Variants in DLG2 observed in about 807,000 individuals in gnomAD.
DLG2 encodes discs large MAGUK scaffold protein 2.
In DLG2, 45 loss-of-function variants were observed where a neutral mutation model predicts 132.5. That is an observed-to-expected ratio of 0.34 (90% confidence interval 0.27 to 0.44). The LOEUF (loss-of-function observed/expected upper bound fraction) is 0.44. Ranked by LOEUF, DLG2 falls within the 20% of genes least tolerant of loss-of-function variation. DLG2 has a pLI of 1.00. For missense variants in DLG2, 1,045 were observed against 1,196.9 expected (o/e 0.87, Z 1.87); for synonymous variants, 424 against 419.6 (o/e 1.01, Z -0.13).
chr11:83,476,634 T>A (rs2092639309), intron 22 of DLG2, among the ~76,000 whole-genome samples: 1 of 152,110 alleles, frequency 6.6e-6, no homozygotes, highest in Non-Finnish European at 1.5e-5. Context: ...TTGTATTAAC[T>A]TTATAGGTAG....
chr11:84,307,199 A>C (rs1255980721), intron 7 of DLG2, among the ~76,000 whole-genome samples: 2 of 152,226 alleles, frequency 1.3e-5, no homozygotes, highest in Non-Finnish European at 2.9e-5. Flanking sequence ...CCTTTGCAGC[A>C]ACATAGATGC....
At chr11:85,517,894 G>A (rs1468909331) in intron 3 of DLG2, among the ~76,000 whole-genome samples, 1 of 152,100 alleles carries the variant, frequency 6.6e-6, no homozygotes, top group African/African-American at 2.4e-5. Flanking sequence ...AGTGAAGTAA[G>A]TCTCACAAGA....
intron 11 of DLG2, among the ~76,000 whole-genome samples, chr11:84,057,330 A>G (rs1256975552): frequency 6.6e-6 from 1 of 152,202 alleles, no homozygotes; most frequent in Admixed American, 6.6e-5. Flanking sequence ...CTGAGTGGTT[A>G]AAATTAGTAT....
chr11:83,731,957 A>G (rs1002369303), intron 18 of DLG2, among the ~76,000 whole-genome samples: 1 of 152,254 alleles, frequency 6.6e-6, no homozygotes, highest in African/African-American at 2.4e-5. Flanking sequence ...AGTCATTTAA[A>G]TAAATGTTAG....
At chr11:83,576,050 T>C (rs1290547279) in intron 19 of DLG2, among the ~76,000 whole-genome samples, 1 of 151,918 alleles carries the variant, frequency 6.6e-6, no homozygotes, top group East Asian at 1.9e-4. Context: ...AATAGGGACA[T>C]GAAACATATA....
At chr11:83,801,770 C>T (rs566368503) in intron 17 of DLG2, among the ~76,000 whole-genome samples, 60 of 152,226 alleles carry the variant, frequency 3.9e-4, no homozygotes, top group South Asian at 2.7e-3. Flanking sequence ...TCACCCACCC[C>T]GAGAAAAGCT....
intron 7 of DLG2, among the ~76,000 whole-genome samples, chr11:84,438,983 C>T (rs1227951262): frequency 6.6e-6 from 1 of 152,154 alleles, no homozygotes; most frequent in African/African-American, 2.4e-5. Context: ...TCAACAACAA[C>T]AACAACAACA....
At chr11:84,915,453 T>C (rs1180689060) in intron 6 of DLG2, among the ~76,000 whole-genome samples, 1 of 152,212 alleles carries the variant, frequency 6.6e-6, no homozygotes, top group Admixed American at 6.5e-5. Flanking sequence ...ATCCAGCATT[T>C]GGAAAATCTT....
chr11:85,542,843 A>G (rs1438641360), intron 3 of DLG2, among the ~76,000 whole-genome samples: 1 of 152,248 alleles, frequency 6.6e-6, no homozygotes, highest in African/African-American at 2.4e-5. Flanking sequence ...GAAAACAGTC[A>G]ATTATATCAA....
intron 3 of DLG2, among the ~76,000 whole-genome samples, chr11:85,522,082 A>AC (rs1447778928): frequency 3.9e-5 from 6 of 151,976 alleles, no homozygotes; most frequent in Admixed American, 6.6e-5. Flanking sequence ...CCCATCACAG[A>AC]CCCCAAGGCC....
chr11:84,044,540 G>C (rs1045300950), intron 11 of DLG2, among the ~76,000 whole-genome samples: 9 of 151,710 alleles, frequency 5.9e-5, no homozygotes, highest in African/African-American at 2.2e-4. Flanking sequence ...GGTGTTGGAA[G>C]AGATCTCGGT....
chr11:85,010,655 C>A (rs2059077559), intron 6 of DLG2, among the ~76,000 whole-genome samples: 1 of 152,154 alleles, frequency 6.6e-6, no homozygotes. Context: ...CTCTGAAGAT[C>A]TAACATTGAC....
intron 6 of DLG2, among the ~76,000 whole-genome samples, chr11:84,860,229 G>T (rs1314339437): frequency 6.6e-6 from 1 of 151,980 alleles, no homozygotes; most frequent in Non-Finnish European, 1.5e-5. Flanking sequence ...CCTCATAATT[G>T]TTTCACATTT....
At chr11:85,372,353 C>G (rs959757606) in intron 3 of DLG2, among the ~76,000 whole-genome samples, 1 of 152,190 alleles carries the variant, frequency 6.6e-6, no homozygotes, top group Non-Finnish European at 1.5e-5. Flanking sequence ...ACAAGACATC[C>G]TTTCCTCTCC....
At chr11:84,339,592 G>C (rs2098504702) in intron 7 of DLG2, among the ~76,000 whole-genome samples, 1 of 152,038 alleles carries the variant, frequency 6.6e-6, no homozygotes, top group South Asian at 2.1e-4. Context: ...ACCTCCCTTT[G>C]ATGCAATGAT....
At chr11:84,795,195 A>T (rs1259145214) in intron 6 of DLG2, among the ~76,000 whole-genome samples, 1 of 152,172 alleles carries the variant, frequency 6.6e-6, no homozygotes, top group Non-Finnish European at 1.5e-5. Flanking sequence ...TGTCAGGATG[A>T]CCTGCCTGTG....
In DLG2 at chr11:84,600,159, GGAAAGAAAGAAAGAAAGAAAGAAAGAAA is replaced by G. The variant is rs1181993623; in HGVS notation, c.358-65456_358-65429del. On this transcript the variant is annotated intron_variant, in intron 6 of 27. Coordinates refer to ENST00000376104, the MANE Select transcript of DLG2 (RefSeq NM_001142699.3). ...AAGAAAGAAGGAAAGAAAGAAAGAAGGAAAGAAAGAAAGAAAGAAAGAAAGAAAGAAAGAAAGAAAGAAAGAAAGAAAG... is the reference window on the plus strand; with the variant it reads ...AAGAAAGAAGGAAAGAAAGAAAGAAGGAAAGAAAGAAAGAAAGAAAGAAAG... Among the ~76,000 whole-genome samples the G allele has an allele frequency of 5.2e-5, 5 of 96,102 alleles. No homozygotes were observed. In the East Asian group the frequency reaches 8.9e-4, roughly 17 times the overall value. The allele number at this position is 96,102 out of a possible 152,430, so 63.0% of individuals were successfully genotyped here.
rs1270163319 is a variant in DLG2, at chr11:84,777,042, TCTCACTTC to T, written c.358-242319_358-242312del. On this transcript the variant is annotated intron_variant, in intron 6 of 27. Transcript: ENST00000376104. Reference sequence around the variant, plus strand: ...TAAGTAATTTCTTATCATCCAGCTCTCTCACTTCCTCACCTTTGCGAGTCTTGGGTGTC... The same window carrying T: ...TAAGTAATTTCTTATCATCCAGCTCTCTCACCTTTGCGAGTCTTGGGTGTC... Among the ~76,000 whole-genome samples, 5 of 151,824 alleles carry T rather than the reference TCTCACTTC, an allele frequency of 3.3e-5. No individual in the cohort carries two copies. The East Asian group carries it at 9.6e-4, about 29-fold the overall frequency.
chr11:83,484,400 A>AAATT (rs938083502), intron 21 of DLG2, among the ~76,000 whole-genome samples, 172 bp from the exon 22 acceptor site: 2 of 152,148 alleles, frequency 1.3e-5, no homozygotes, highest in African/African-American at 2.4e-5. Flanking sequence ...CAAGGAGTAT[A>AAATT]AATTCTGAAT....
Sources: gnomAD v4.1 joint callset for allele counts (sites outside exome capture counted in the v4.1 genomes callset) on GRCh38, gnomAD v4.1.1 for gene constraint, MANE v1.5 for transcripts, NCBI Gene and HGNC (gene_info 2026-07-23, HGNC 2026-07-21) for gene names.